C1orf35: variants seen among roughly 807,000 people sequenced by gnomAD.
C1orf35 encodes the protein chromosome 1 open reading frame 35, also known as multiple myeloma tumor-associated protein 2.
In C1orf35, 36 loss-of-function variants were observed where a neutral mutation model predicts 30.9. That is an observed-to-expected ratio of 1.16 (90% CI 0.89 to 1.54). C1orf35 has a LOEUF of 1.54. C1orf35 is among the 40% of genes most tolerant of loss of function. C1orf35 has a pLI of 0.00. For synonymous variants in C1orf35, 179 were observed against 148.2 expected, an observed-to-expected ratio of 1.21 and a Z score of -1.51; for missense variants, 396 against 358.7, an observed-to-expected ratio of 1.10 and a Z score of -0.84.
chr1:228,102,164 T>C lies in C1orf35; in HGVS notation c.449A>G (p.His150Arg), dbSNP rs745461545. The change falls in exon 6 of 8, where the codon CAT (histidine) becomes CGT (arginine). Residue 150 changes from histidine to arginine, a missense_variant and splice_region_variant. Coordinates refer to ENST00000272139, the MANE Select transcript of C1orf35 (RefSeq NM_024319.4). ...GGGCCCGCCGCTCTCTACGCGGTGA[T>C]GCTGCGGGAGAAGCGAGCTCTGCGG... Reference protein sequence around the residue: ...AAKLGLSVFTHHRVESGGPGT... With the variant: ...AAKLGLSVFTRHRVESGGPGT... 18 of 1,581,836 alleles carry C rather than the reference T, an allele frequency of 1.1e-5. No individual in the cohort carries two copies. The African/African-American group carries it at 2.3e-4, about 20-fold the overall frequency.
chr1:228,102,936 C>A lies in C1orf35; in HGVS notation c.208G>T (p.Val70Leu). Residue 70 changes from valine to leucine, a missense_variant, in exon 2 of 8, where the codon GTG (valine) becomes TTG (leucine). Coordinates refer to ENST00000272139, the MANE Select transcript of C1orf35 (RefSeq NM_024319.4). ...GPSREEELAA[V>L]REAEREALLA... Reference sequence around the variant, plus strand: ...AGCGCCTCGCGCTCCGCCTCCCGCACGGCTGCCAGTTCCTCCTCGCGGCTC... The same window carrying A: ...AGCGCCTCGCGCTCCGCCTCCCGCAAGGCTGCCAGTTCCTCCTCGCGGCTC... 1 of 1,509,244 alleles carries A rather than the reference C, an allele frequency of 6.6e-7. No individual in the cohort carries two copies. The highest frequency in any genetic ancestry group is 8.8e-7 in the Non-Finnish European group (1 of 1,134,638). 93.5% of individuals were successfully genotyped at this position (1,509,244 alleles called of 1,614,324 possible). A position where few individuals can be genotyped will look rare whatever the true frequency, so the allele number is the denominator to read the frequency against.
At chr1:228,102,220 C>T in intron 5 of C1orf35, 55 bp from the exon 6 acceptor site, 1 of 1,562,738 alleles carries the variant, frequency 6.4e-7, no homozygotes, top group Non-Finnish European at 8.6e-7. Flanking sequence ...CACACCACGC[C>T]CCGCAGCGCC....
rs762304555 is a variant in C1orf35 at position 228,103,270 on chromosome 1, T to A, written c.-43A>T. On this transcript the variant is annotated 5_prime_UTR_variant, in exon 1 of 8. Coordinates refer to ENST00000272139, the MANE Select transcript of C1orf35 (RefSeq NM_024319.4). ...TGCCTGGGGCCTGCGGCTTGCAACC[T>A]GCAACCCGCAACCCGAGACCCGCTA... 1.3e-6 allele frequency: 2 copies of A among 1,598,940 alleles called. No homozygotes were observed. Among genetic ancestry groups the A allele is most frequent in the Non-Finnish European group, 1.7e-6 (2 of 1,173,922 alleles).
chr1:228,103,028 A>T lies in C1orf35; in HGVS notation c.116T>A (p.Val39Glu). The change falls in exon 2 of 8, where the codon GTA becomes GAA. Residue 39 changes from valine to glutamate, a missense_variant. Coordinates refer to ENST00000272139, the MANE Select transcript of C1orf35 (RefSeq NM_024319.4). Reference sequence around the variant, plus strand: ...GTCGCGGCCCTTCTGCCAGCGGCCTACCGGCGCCATCAGCGAGTTGCCTGC... The same window carrying T: ...GTCGCGGCCCTTCTGCCAGCGGCCTTCCGGCGCCATCAGCGAGTTGCCTGC... ...NYLGNSLMAP[V>E]GRWQKGRDLT... The T allele has an allele frequency of 6.3e-7, 1 of 1,590,922 alleles. No individual in the cohort carries two copies.
intron 2 of C1orf35, 30 bp downstream of exon 2, chr1:228,102,869 C>T (rs1363410263): frequency 4.1e-5 from 57 of 1,386,078 alleles, no homozygotes; most frequent in East Asian, 3.3e-4. Context: ...CCGTCCCAGG[C>T]ACCGACCGCT....
In C1orf35 at chr1:228,103,150, C is replaced by G. The variant is rs899527108; in HGVS notation, c.78G>C (p.Gln26His). The change falls in exon 1 of 8, where the codon CAG becomes CAC. Residue 26 changes from glutamine (Q) to histidine (H), a missense_variant. Gln to His is a conservative substitution (Grantham distance 24). Transcript: ENST00000272139. ...CGCACCCACCCAGGTAGTTCTCCCG[C>G]TGCTTGTCAGTCTTCACGTCCTCCC... ...FNWEDVKTDK[Q>H]RENYLGNSLM... 1 of 1,611,368 alleles carries G rather than the reference C, an allele frequency of 6.2e-7. No individual in the cohort carries two copies. Among genetic ancestry groups the G allele is most frequent in the Non-Finnish European group, 8.5e-7 (1 of 1,179,406 alleles).
chr1:228,102,836 G>A, intron 2 of C1orf35, 63 bp downstream of exon 2: 3 of 281,546 alleles, frequency 1.1e-5, no homozygotes, highest in Non-Finnish European at 1.5e-5. Flanking sequence ...CCCCGGCCCC[G>A]GCCCCACCCT....
chr1:228,102,666 G>T lies in C1orf35; in HGVS notation c.268C>A (p.Gln90Lys). ...ACCTCCTTGCTCAGGCCCGTGGGCT[G>T]CTTCTTCACGTTCTTGTAGCCACTG... is the stretch of plus-strand genomic sequence containing the variant. ...AALGYKNVKK[Q>K]PTGLSKEDFA... The change falls in exon 3 of 8, where the codon CAG (glutamine) becomes AAG (lysine). Residue 90 changes from glutamine to lysine, a missense_variant. By Grantham distance (53) the Gln-to-Lys change is moderately conservative (BLOSUM62 1). Coordinates refer to ENST00000272139, the MANE Select transcript of C1orf35 (RefSeq NM_024319.4). The T allele has an allele frequency of 6.2e-7, 1 of 1,608,612 alleles. No individual in the cohort carries two copies. The highest frequency in any genetic ancestry group is 8.5e-7 in the Non-Finnish European group (1 of 1,178,632).
rs1375070362 is a variant in C1orf35, at chr1:228,100,968, G to C, written c.*163C>G. The C allele has an allele frequency of 9.3e-7, 1 of 1,072,732 alleles. No individual in the cohort carries two copies. The highest frequency in any genetic ancestry group is 1.3e-6 in the Non-Finnish European group (1 of 752,520). 66.5% of individuals were successfully genotyped at this position (1,072,732 alleles called of 1,614,324 possible). On this transcript the variant is annotated 3_prime_UTR_variant, in exon 8 of 8. Coordinates refer to ENST00000272139, the MANE Select transcript of C1orf35 (RefSeq NM_024319.4). ...GTTTTCCAGGAAGCCGGCTGCTCCA[G>C]AGCTAGCTGTCAAGTCTTTAGCCCC...
At chr1:228,101,687 CCCCTGCCCCACCCCAGCCGTG>C (rs1287868454) in intron 6 of C1orf35, 1 of 1,434,628 alleles carries the variant, frequency 7.0e-7, no homozygotes, top group Non-Finnish European at 9.1e-7. Flanking sequence ...CCACAGCACG[CCCCTGCCCCACCCCAGCCGTG>C]CCCTTGGCAG....
rs975794297 is a variant in C1orf35 at position 228,101,821 on chromosome 1, C to T, written c.533+259G>A. The T allele has an allele frequency of 6.4e-6, 9 of 1,414,380 alleles. No individual in the cohort carries two copies. In the Admixed American group the frequency reaches 1.8e-4, roughly 29 times the overall value. 87.6% of individuals were successfully genotyped at this position (1,414,380 alleles called of 1,614,324 possible). A position where few individuals can be genotyped will look rare whatever the true frequency, so the allele number is the denominator to read the frequency against. ...AGGTGCCACCCACGGCAGGAAAAGG[C>T]CCCGCCCCAGGTCCTGAGTGCCCTC... On this transcript the variant is annotated intron_variant, in intron 6 of 7. Transcript: ENST00000272139.
At position 228,102,107 on chromosome 1, in the gene C1orf35, G is replaced by A. The variant is rs767831891; in HGVS notation, c.506C>T (p.Pro169Leu). 5 of 1,583,556 alleles carry A rather than the reference G, an allele frequency of 3.2e-6. No individual in the cohort carries two copies. Among genetic ancestry groups the A allele is most frequent in the Admixed American group, 3.5e-5 (2 of 57,674 alleles). The change falls in exon 6 of 8, where the codon CCG becomes CTG. Residue 169 changes from proline (P) to leucine (L), a missense_variant. By Grantham distance (98) the Pro-to-Leu change is moderately conservative (BLOSUM62 -3). Transcript: ENST00000272139. ...GCTTTCCGTCTGATCCTCCGCCCGCGGCTTCCTCCTGGCCGAGGCTGCCGA... is the reference window on the plus strand; with the variant it reads ...GCTTTCCGTCTGATCCTCCGCCCGCAGCTTCCTCCTGGCCGAGGCTGCCGA... ...GTSAASARRKPRAEDQTESSC... is the reference protein window; with the variant it reads ...GTSAASARRKLRAEDQTESSC...
rs941022146 is a variant in C1orf35, at chr1:228,103,317, C to G, written c.-90G>C. On this transcript the variant is annotated 5_prime_UTR_variant, in exon 1 of 8. Transcript: ENST00000272139. ...GCTACCCACTACCGTCGGACCCAGGCCCGACCCCGCCTCCGCGTCGCGCGC... is the reference window on the plus strand; with the variant it reads ...GCTACCCACTACCGTCGGACCCAGGGCCGACCCCGCCTCCGCGTCGCGCGC... 7.0e-7 allele frequency: 1 copy of G among 1,436,356 alleles called. No individual in the cohort carries two copies. The highest frequency in any genetic ancestry group is 2.6e-5 in the East Asian group (1 of 39,082). The allele number at this position is 1,436,356 out of a possible 1,614,324, so 89.0% of individuals were successfully genotyped here.
chr1:228,103,135 C>G lies in C1orf35; in HGVS notation c.93G>C (p.Leu31=). The G allele has an allele frequency of 6.2e-7, 1 of 1,610,946 alleles. No homozygotes were observed. Among genetic ancestry groups the G allele is most frequent in the Non-Finnish European group, 8.5e-7 (1 of 1,179,226 alleles). ...AGCCCGCCCACCGCGCGCACCCACC[C>G]AGGTAGTTCTCCCGCTGCTTGTCAG... ...VKTDKQRENY[L]GNSLMAPVGR... The change falls in exon 1 of 8, where the codon CTG becomes CTC. Residue 31 remains leucine, a splice_region_variant and synonymous_variant. Coordinates refer to ENST00000272139, the MANE Select transcript of C1orf35 (RefSeq NM_024319.4).
At position 228,102,724 on chromosome 1, in the gene C1orf35, G is replaced by C. The variant is rs763671673; in HGVS notation, c.246-36C>G. On this transcript the variant is annotated intron_variant, in intron 2 of 7. Coordinates refer to ENST00000272139, the MANE Select transcript of C1orf35 (RefSeq NM_024319.4). ...GCCGGGGCAGGCGTCAGGACGGACG[G>C]ACCTCCTCCCACCACAGGTCCTCAC... 1.0e-5 allele frequency: 16 copies of C among 1,591,374 alleles called. 1 individual carries two copies. Among genetic ancestry groups the C allele is most frequent in the Admixed American group, 3.5e-5 (2 of 57,676 alleles).
In C1orf35 at chr1:228,103,236, G is replaced by A. The variant is rs977437158; in HGVS notation, c.-9C>T. ...CGACTGGAGCCGAACATGGCGCCGG[G>A]AAGGCAGTTGCCTGGGGCCTGCGGC... On this transcript the variant is annotated 5_prime_UTR_variant, in exon 1 of 8. Coordinates refer to ENST00000272139, the MANE Select transcript of C1orf35 (RefSeq NM_024319.4). 20 of 1,608,890 alleles carry A rather than the reference G, an allele frequency of 1.2e-5. No homozygotes were observed. Among genetic ancestry groups the A allele is most frequent in the African/African-American group, 2.7e-5 (2 of 74,480 alleles).
At chr1:228,102,219 C>T in intron 5 of C1orf35, 54 bp from the exon 6 acceptor site, 2 of 1,561,812 alleles carry the variant, frequency 1.3e-6, no homozygotes, top group East Asian at 2.4e-5. Flanking sequence ...CCACACCACG[C>T]CCCGCAGCGC....
At chr1:228,101,537 G>GC (rs1419098893) in intron 6 of C1orf35, 64 bp from the exon 7 acceptor site, 34 of 1,595,220 alleles carry the variant, frequency 2.1e-5, no homozygotes, top group Non-Finnish European at 2.9e-5. Context: ...GTGAACACAA[G>GC]CAGGCCCCAT....
chr1:228,101,305 C>G (rs752822033), intron 7 of C1orf35, 34 bp downstream of exon 7: 7 of 1,614,050 alleles, frequency 4.3e-6, no homozygotes, highest in Non-Finnish European at 5.1e-6. Flanking sequence ...ACCAGGCCCC[C>G]ACCCCCAAGA....
Sources: gnomAD v4.1 joint callset for allele counts on GRCh38, gnomAD v4.1.1 for gene constraint, MANE v1.5 for transcripts, NCBI Gene and HGNC (gene_info 2026-07-23, HGNC 2026-07-21) for gene names.